Variants in GABRB2 observed in about 807,000 individuals in gnomAD.
GABRB2 encodes the protein gamma-aminobutyric acid receptor subunit beta-2.
Under a neutral mutation model 54.7 loss-of-function variants are expected in GABRB2, and 16 were observed. The observed-to-expected ratio is 0.29, with a 90% confidence interval of 0.20 to 0.44. The LOEUF is 0.44. GABRB2 is among the 20% of genes least tolerant of loss of function. The pLI is 1.00. For missense variants in GABRB2, 355 were observed against 644.0 expected, an observed-to-expected ratio of 0.55 and a Z score of 4.86; for synonymous variants, 244 against 233.8, an observed-to-expected ratio of 1.04 and a Z score of -0.40.
chr5:161,372,014 G>T (rs1409485868), intron 5 of GABRB2, among the ~76,000 whole-genome samples: 1 of 152,098 alleles, frequency 6.6e-6, no homozygotes, highest in Non-Finnish European at 1.5e-5. Flanking sequence ...ACAGGCATGT[G>T]TCACTGCACC....
chr5:161,482,634 T>G (rs560834878), intron 3 of GABRB2, among the ~76,000 whole-genome samples: 1 of 152,094 alleles, frequency 6.6e-6, no homozygotes, highest in Non-Finnish European at 1.5e-5. Flanking sequence ...ACTATGGAAT[T>G]TATTTTAAAA....
chr5:161,498,760 C>A (rs560974354), intron 3 of GABRB2, among the ~76,000 whole-genome samples: 4 of 152,178 alleles, frequency 2.6e-5, no homozygotes, highest in Non-Finnish European at 4.4e-5. Flanking sequence ...AGGCATAAAA[C>A]CCCTTGTGGC....
chr5:161,491,506 C>T (rs561249641), intron 3 of GABRB2, among the ~76,000 whole-genome samples: 13 of 151,674 alleles, frequency 8.6e-5, no homozygotes, highest in African/African-American at 2.4e-4. Context: ...CTGATAAGAA[C>T]GGTACTGGTT....
intron 5 of GABRB2, among the ~76,000 whole-genome samples, chr5:161,360,508 A>G (rs2113450940): frequency 6.6e-6 from 1 of 152,344 alleles, no homozygotes; most frequent in East Asian, 1.9e-4. Flanking sequence ...AACAGTCAAC[A>G]CTGGATGATA....
intron 3 of GABRB2, among the ~76,000 whole-genome samples, chr5:161,542,112 A>G (rs1760839206): frequency 1.3e-5 from 2 of 152,158 alleles, no homozygotes; most frequent in South Asian, 4.1e-4. Context: ...AACACACACA[A>G]CATTTATCCA....
At chr5:161,497,004 C>A (rs1759270777) in intron 3 of GABRB2, among the ~76,000 whole-genome samples, 1 of 152,102 alleles carries the variant, frequency 6.6e-6, no homozygotes, top group South Asian at 2.1e-4. Context: ...TTTCCATTCA[C>A]AAAGTACAGA....
chr5:161,345,483 T>C (rs1350607613), intron 5 of GABRB2, among the ~76,000 whole-genome samples: 1 of 152,080 alleles, frequency 6.6e-6, no homozygotes, highest in Non-Finnish European at 1.5e-5. Flanking sequence ...CTTATTCTTT[T>C]TTCAAATCTC....
At chr5:161,401,552 A>G (rs887718088) in intron 5 of GABRB2, among the ~76,000 whole-genome samples, 10 of 152,180 alleles carry the variant, frequency 6.6e-5, no homozygotes, top group Non-Finnish European at 1.0e-4. Context: ...CTGCTATAAG[A>G]TCTGTTCAAG....
chr5:161,429,489 G>GGACT (rs1757114409), intron 4 of GABRB2, among the ~76,000 whole-genome samples: 1 of 152,024 alleles, frequency 6.6e-6, no homozygotes, highest in Non-Finnish European at 1.5e-5. Flanking sequence ...TAGATACAGT[G>GGACT]TTTAGCCTGG....
chr5:161,340,659 T>C (rs1580898077), intron 5 of GABRB2, among the ~76,000 whole-genome samples: 1 of 151,542 alleles, frequency 6.6e-6, no homozygotes, highest in East Asian at 1.9e-4. Context: ...GGCCACTTCA[T>C]AGAGCTGTCA....
chr5:161,495,637 A>G (rs1759217044), intron 3 of GABRB2, among the ~76,000 whole-genome samples: 1 of 152,100 alleles, frequency 6.6e-6, no homozygotes, highest in Non-Finnish European at 1.5e-5. Context: ...AGGCTCAATA[A>G]TTAAAATTGT....
At chr5:161,534,470 C>A (rs971825852) in intron 3 of GABRB2, among the ~76,000 whole-genome samples, 2 of 152,120 alleles carry the variant, frequency 1.3e-5, no homozygotes, top group African/African-American at 2.4e-5. Flanking sequence ...ATATTTAATC[C>A]TCTCGGGAAG....
intron 3 of GABRB2, among the ~76,000 whole-genome samples, chr5:161,534,139 T>C (rs1470974592): frequency 6.6e-6 from 1 of 152,210 alleles, no homozygotes; most frequent in Non-Finnish European, 1.5e-5. Context: ...TTTACAATAG[T>C]GGCTCTCAAC....
intron 5 of GABRB2, among the ~76,000 whole-genome samples, chr5:161,365,194 C>T (rs111995736): frequency 3.9e-4 from 60 of 152,242 alleles, no homozygotes; most frequent in African/African-American, 1.4e-3. Context: ...TCATGGGTCT[C>T]TAACATACAT....
At chr5:161,419,251 A>C (rs1296396231) in intron 4 of GABRB2, among the ~76,000 whole-genome samples, 2 of 152,252 alleles carry the variant, frequency 1.3e-5, no homozygotes, top group East Asian at 3.9e-4. Context: ...TGTTAAAACC[A>C]TAATAAGATA....
chr5:161,467,465 A>C (rs1433319752), intron 3 of GABRB2, among the ~76,000 whole-genome samples: 2 of 152,146 alleles, frequency 1.3e-5, no homozygotes, highest in Non-Finnish European at 2.9e-5. Flanking sequence ...TGGAAACTAC[A>C]AGAGCAAGTG....
intron 5 of GABRB2, among the ~76,000 whole-genome samples, chr5:161,360,080 C>A (rs568498692): frequency 0.013 from 441 of 34,666 alleles, 5 homozygotes; most frequent in African/African-American, 0.041. Flanking sequence ...GAGACTCCGT[C>A]TAAAAAAAAA....
intron 3 of GABRB2, among the ~76,000 whole-genome samples, chr5:161,533,805 T>A (rs954727452): frequency 6.6e-6 from 1 of 152,198 alleles, no homozygotes; most frequent in Non-Finnish European, 1.5e-5. Context: ...TAGTGGTATG[T>A]ATTTTTTAAT....
chr5:161,299,556 G>C (rs1165083995), intron 9 of GABRB2, among the ~76,000 whole-genome samples: 1 of 152,090 alleles, frequency 6.6e-6, no homozygotes, highest in African/African-American at 2.4e-5. Flanking sequence ...TCTATATCTG[G>C]ACATATCTGA....
Sources: allele counts gnomAD v4.1 joint callset (sites outside exome capture counted in the v4.1 genomes callset), GRCh38; gene constraint gnomAD v4.1.1; transcripts MANE v1.5; gene names NCBI Gene and HGNC (gene_info 2026-07-23, HGNC 2026-07-21).